Variants in NFATC3 observed in about 807,000 individuals in gnomAD.
NFATC3 encodes the protein nuclear factor of activated T cells 3, also known as nuclear factor of activated T-cells, cytoplasmic 3.
NFATC3 carries 46 observed loss-of-function variants against 98.6 expected under a neutral mutation model. The ratio of observed to expected loss-of-function variants is 0.47; its 90% CI spans 0.37 to 0.60. The LOEUF is 0.60. Ranked by LOEUF, NFATC3 falls within the 20% of genes least tolerant of loss-of-function variation. The pLI, the probability that NFATC3 is intolerant of heterozygous loss-of-function variation, is 0.00. For synonymous variants in NFATC3, 512 were observed against 472.2 expected (o/e 1.08, Z -1.09); for missense variants, 1,256 against 1,295.5 (o/e 0.97, Z 0.47).
intron 8 of NFATC3, 90 bp downstream of exon 8, chr16:68,183,456 T>C: frequency 7.0e-7 from 1 of 1,434,082 alleles, no homozygotes; most frequent in South Asian, 1.3e-5. Context: ...GTGTTTAAGG[T>C]AGAGTGCTTA....
At chr16:68,210,820 C>T (rs557568337) in intron 9 of NFATC3, among the ~76,000 whole-genome samples, 2 of 152,164 alleles carry the variant, frequency 1.3e-5, no homozygotes, top group South Asian at 2.1e-4. Flanking sequence ...CTTGCTCTGT[C>T]GCTCAGGCAG....
At chr16:68,177,032 C>CTTTTTTTTTTT (rs548092276) in intron 6 of NFATC3, among the ~76,000 whole-genome samples, 12 of 133,106 alleles carry the variant, frequency 9.0e-5, no homozygotes, top group Non-Finnish European at 1.4e-4. Context: ...CTTTTCTTTT[C>CTTTTTTTTTTT]TTTTTTTTTT....
chr16:68,149,485 A>G (rs2151557727), intron 3 of NFATC3, among the ~76,000 whole-genome samples: 1 of 152,354 alleles, frequency 6.6e-6, no homozygotes, highest in South Asian at 2.1e-4. Context: ...AGTTGTATGA[A>G]AAAGGAAATA....
Position 68,157,959 on chromosome 16 carries a change from G to A in NFATC3, c.1492G>A (p.Val498Met), listed in dbSNP as rs774977244. 3 of 1,613,840 alleles carry A rather than the reference G, an allele frequency of 1.9e-6. No homozygotes were observed. Among genetic ancestry groups the A allele is most frequent in the Non-Finnish European group, 2.5e-6 (3 of 1,179,842 alleles). Reference sequence around the variant, plus strand: ...TTTACGACCTCATGCATTTTACCAGGTGCATCGAATCACTGGGAAGACAGT... The same window carrying A: ...TTTACGACCTCATGCATTTTACCAGATGCATCGAATCACTGGGAAGACAGT... ...RYLRPHAFYQ[V>M]HRITGKTVAT... The change falls in exon 4 of 10, where the codon GTG becomes ATG. Residue 498 changes from valine (V) to methionine (M), a missense_variant. Physicochemically the swap from Val to Met is conservative, Grantham distance 21. This residue lies in a region of NFATC3 where 156 missense variants were observed against 212.4 expected (regional missense o/e 0.73). Transcript: ENST00000346183.
intron 2 of NFATC3, among the ~76,000 whole-genome samples, chr16:68,125,542 A>G (rs2036789892): frequency 6.6e-6 from 1 of 152,192 alleles, no homozygotes; most frequent in Non-Finnish European, 1.5e-5. Flanking sequence ...TCAGAGAGAC[A>G]GGGAAAGGCG....
intron 1 of NFATC3, among the ~76,000 whole-genome samples, chr16:68,107,335 C>T (rs1316965313): frequency 6.6e-6 from 1 of 152,120 alleles, no homozygotes; most frequent in Non-Finnish European, 1.5e-5. Context: ...CACTGTCTTC[C>T]ACAATGTTTG....
At chr16:68,162,109 C>T (rs1470940581) in intron 4 of NFATC3, among the ~76,000 whole-genome samples, 1 of 152,198 alleles carries the variant, frequency 6.6e-6, no homozygotes, top group Non-Finnish European at 1.5e-5. Context: ...CTACCACACA[C>T]ATACCTAAAA....
chr16:68,087,899 G>C (rs1421921642), intron 1 of NFATC3, among the ~76,000 whole-genome samples: 1 of 152,118 alleles, frequency 6.6e-6, no homozygotes, highest in Non-Finnish European at 1.5e-5. Flanking sequence ...TTCACCAATT[G>C]ATGGACATTT....
chr16:68,167,979 C>T (rs1357769235), intron 5 of NFATC3, among the ~76,000 whole-genome samples: 1 of 150,644 alleles, frequency 6.6e-6, no homozygotes, highest in Non-Finnish European at 1.5e-5. Flanking sequence ...ATTACAGGCA[C>T]CCGCCACCAT....
intron 9 of NFATC3, chr16:68,214,288 G>T: frequency 6.6e-7 from 1 of 1,507,482 alleles, no homozygotes; most frequent in Non-Finnish European, 9.2e-7. Context: ...TCACCCTCTG[G>T]TTTGTTCCAT....
At chr16:68,214,926 A>G (rs1825076106) in intron 9 of NFATC3, among the ~76,000 whole-genome samples, 1 of 152,164 alleles carries the variant, frequency 6.6e-6, no homozygotes, top group Admixed American at 6.6e-5. Context: ...CTTGGAAGAA[A>G]GCTGTAGTAC....
intron 1 of NFATC3, among the ~76,000 whole-genome samples, chr16:68,092,000 A>G (rs751240410): frequency 1.3e-5 from 2 of 152,204 alleles, no homozygotes; most frequent in Non-Finnish European, 1.5e-5. Flanking sequence ...GTGGGTCTGC[A>G]TATATTTTGG....
intron 9 of NFATC3, among the ~76,000 whole-genome samples, chr16:68,223,890 A>AT (rs1376413414): frequency 7.1e-6 from 1 of 141,066 alleles, no homozygotes; most frequent in African/African-American, 2.7e-5. Flanking sequence ...GCAAGACTCC[A>AT]TCTCAAAAAA....
intron 3 of NFATC3, among the ~76,000 whole-genome samples, chr16:68,137,122 C>T (rs1008731748): frequency 6.6e-6 from 1 of 151,920 alleles, no homozygotes; most frequent in African/African-American, 2.4e-5. Context: ...AACTTTTTCG[C>T]TTTATAAGTT....
At chr16:68,150,412 T>TAAAAAAA (rs60606928) in intron 3 of NFATC3, among the ~76,000 whole-genome samples, 1 of 81,080 alleles carries the variant, frequency 1.2e-5, no homozygotes, top group Non-Finnish European at 2.6e-5. Context: ...CTTCTATATC[T>TAAAAAAA]AAAAAAAAAA....
chr16:68,204,986 C>G (rs1417942210), intron 9 of NFATC3, among the ~76,000 whole-genome samples: 1 of 150,616 alleles, frequency 6.6e-6, no homozygotes, highest in East Asian at 1.9e-4. Flanking sequence ...TTTGAAGATG[C>G]CTGGCTCTTT....
At chr16:68,087,600 A>G (rs778415935) in intron 1 of NFATC3, among the ~76,000 whole-genome samples, 4 of 152,182 alleles carry the variant, frequency 2.6e-5, no homozygotes, top group Non-Finnish European at 4.4e-5. Flanking sequence ...CTTAAAGTGA[A>G]CAATTGAGTG....
At chr16:68,150,576 T>C (rs945694678) in intron 3 of NFATC3, among the ~76,000 whole-genome samples, 6 of 151,676 alleles carry the variant, frequency 4.0e-5, no homozygotes, top group African/African-American at 4.8e-5. Context: ...AACGAGACCC[T>C]GAATCAAAAA....
rs566222252 is a variant in NFATC3 at position 68,114,681 on chromosome 16, T to C, written c.104-7306T>C. Reference sequence around the variant, plus strand: ...CCTCCGACTCCCTGGTTCAAATGATTCTCCTACCTCAGCCTCCCAAGTAGC... The same window carrying C: ...CCTCCGACTCCCTGGTTCAAATGATCCTCCTACCTCAGCCTCCCAAGTAGC... On this transcript the variant is annotated intron_variant, in intron 1 of 9. Transcript: ENST00000346183. 5.8e-4 allele frequency among the ~76,000 whole-genome samples: 88 copies of C among 151,936 alleles called. 1 individual carries two copies. Among genetic ancestry groups the C allele is most frequent in the Admixed American group, 1.6e-3 (24 of 15,270 alleles).
Sources: gnomAD v4.1 joint callset for allele counts (sites outside exome capture counted in the v4.1 genomes callset) on GRCh38, gnomAD v4.1.1 for gene constraint, gnomAD v4.1.1 regional missense constraint, MANE v1.5 for transcripts, NCBI Gene and HGNC (gene_info 2026-07-23, HGNC 2026-07-21) for gene names.